Variants in TTC29 observed in about 807,000 individuals in gnomAD.
TTC29 encodes tetratricopeptide repeat domain 29, also known as tetratricopeptide repeat protein 29.
In TTC29, 49 loss-of-function variants were observed where a neutral mutation model predicts 58.1. The ratio of observed to expected loss-of-function variants is 0.84; its 90% CI spans 0.67 to 1.07. The LOEUF (loss-of-function observed/expected upper bound fraction) is 1.07, where lower values mean the gene tolerates loss of function less well. Ranked by LOEUF, TTC29 falls within the 50% of genes least tolerant of loss-of-function variation. The probability of loss-of-function intolerance (pLI) is 0.00; values close to 1 mark genes in which losing one functional copy is unlikely to be tolerated. For missense variants in TTC29, 582 were observed against 555.6 expected (o/e 1.05, Z -0.48); for synonymous variants, 209 against 196.8 (o/e 1.06, Z -0.52).
intron 4 of TTC29, among the ~76,000 whole-genome samples, chr4:146,914,770 T>C (rs1734109037): frequency 6.6e-6 from 1 of 152,260 alleles, no homozygotes; most frequent in Non-Finnish European, 1.5e-5. Context: ...ATTCATTCAA[T>C]GGAGATGTTG....
intron 11 of TTC29, among the ~76,000 whole-genome samples, chr4:146,774,144 G>A (rs1747924185): frequency 1.3e-5 from 2 of 152,058 alleles, no homozygotes; most frequent in African/African-American, 4.8e-5. Context: ...TTAGCTAGCA[G>A]TCTATCTGTC....
intron 8 of TTC29, among the ~76,000 whole-genome samples, chr4:146,843,424 A>C (rs1728974573): frequency 6.6e-6 from 1 of 152,114 alleles, no homozygotes; most frequent in Admixed American, 6.6e-5. Context: ...GAGTACGTAC[A>C]CTTTCTCCCT....
In TTC29 at chr4:146,892,658, A is replaced by C. The variant is rs1732459592; in HGVS notation, c.586+10886T>G. Among the ~76,000 whole-genome samples, 3 of 152,218 alleles carry C rather than the reference A, an allele frequency of 2.0e-5. 1 individual carries two copies. Among genetic ancestry groups the C allele is most frequent in the Non-Finnish European group, 4.4e-5 (3 of 68,038 alleles). The stretch of plus-strand genomic sequence containing the variant: ...ATGCCCTCTCTCACCACTCCTATTC[A>C]ACATAGTGTTGGAAGTTCTGGCCAG... On this transcript the variant is annotated intron_variant, in intron 6 of 12. Coordinates refer to ENST00000325106, the MANE Select transcript of TTC29 (RefSeq NM_031956.4).
intron 11 of TTC29, among the ~76,000 whole-genome samples, chr4:146,741,222 A>T (rs562440157): frequency 6.6e-6 from 1 of 152,316 alleles, no homozygotes; most frequent in South Asian, 2.1e-4. Flanking sequence ...AAATTTTTAG[A>T]TGACTATACG....
intron 11 of TTC29, among the ~76,000 whole-genome samples, chr4:146,707,999 T>C (rs1742108136): frequency 6.6e-6 from 1 of 151,992 alleles, no homozygotes; most frequent in Non-Finnish European, 1.5e-5. Context: ...ATAGATGTTC[T>C]AGCAGACAGT....
intron 4 of TTC29, among the ~76,000 whole-genome samples, chr4:146,917,364 T>A (rs1040819103): frequency 1.3e-4 from 19 of 141,030 alleles, no homozygotes; most frequent in Admixed American, 1.4e-4. Context: ...AAGCTCTTTT[T>A]ATAATATTAT....
chr4:146,884,451 GTATA>G (rs1561218782), intron 6 of TTC29, among the ~76,000 whole-genome samples: 1 of 152,046 alleles, frequency 6.6e-6, no homozygotes, highest in African/African-American at 2.4e-5. Flanking sequence ...TTAGTGAAGG[GTATA>G]TTACAATCAT....
intron 9 of TTC29, among the ~76,000 whole-genome samples, chr4:146,830,757 G>A (rs1156323465): frequency 6.6e-6 from 1 of 152,070 alleles, no homozygotes; most frequent in African/African-American, 2.4e-5. Flanking sequence ...GTACATGTGT[G>A]TGTTTGTGTT....
At chr4:146,783,097 T>C (rs1748740340) in intron 11 of TTC29, among the ~76,000 whole-genome samples, 2 of 152,140 alleles carry the variant, frequency 1.3e-5, no homozygotes, top group East Asian at 3.9e-4. Context: ...ATTTATTTAC[T>C]TATTTAAATT....
intron 6 of TTC29, among the ~76,000 whole-genome samples, chr4:146,895,232 T>A (rs982952682): frequency 2.0e-5 from 3 of 152,160 alleles, no homozygotes; most frequent in Non-Finnish European, 2.9e-5. Flanking sequence ...ACTGAGTTAC[T>A]GAGTTAGCCT....
At chr4:146,805,353 C>A (rs1030866421) in intron 10 of TTC29, among the ~76,000 whole-genome samples, 7 of 151,982 alleles carry the variant, frequency 4.6e-5, no homozygotes, top group Admixed American at 2.6e-4. Flanking sequence ...TAACTCCTCA[C>A]CAAAAAGGGA....
In TTC29 at chr4:146,899,906, C is replaced by T. The variant is rs1251451085; in HGVS notation, c.586+3638G>A. 2.6e-5 allele frequency among the ~76,000 whole-genome samples: 4 copies of T among 152,188 alleles called. No homozygotes were observed. The South Asian group carries it at 6.2e-4, about 24-fold the overall frequency. On this transcript the variant is annotated intron_variant, in intron 6 of 12. Transcript: ENST00000325106. ...TGAGGGCACCCCTGGAATCAGGATG[C>T]TGCCACCTGCCCCTGGGCACAGCTG...
chr4:146,741,875 T>C (rs1745180256), intron 11 of TTC29, among the ~76,000 whole-genome samples: 1 of 152,224 alleles, frequency 6.6e-6, no homozygotes, highest in Non-Finnish European at 1.5e-5. Context: ...TCGCCTTAGC[T>C]CTTCATAGCA....
chr4:146,887,637 C>G (rs1475045411), intron 6 of TTC29, among the ~76,000 whole-genome samples: 2 of 152,056 alleles, frequency 1.3e-5, no homozygotes, highest in Non-Finnish European at 2.9e-5. Context: ...CAATATGACT[C>G]TAAAATTCAT....
At chr4:146,924,463 T>C (rs75921137) in intron 4 of TTC29, among the ~76,000 whole-genome samples, 12,602 of 151,882 alleles carry the variant, frequency 0.083, 686 homozygotes, top group East Asian at 0.19. Flanking sequence ...TGTTATCTGT[T>C]TCTATGTAAG....
intron 11 of TTC29, among the ~76,000 whole-genome samples, chr4:146,784,662 G>T (rs1178040463): frequency 6.6e-6 from 1 of 152,186 alleles, no homozygotes; most frequent in East Asian, 1.9e-4. Context: ...AGCATATATT[G>T]AATCTGCCTC....
chr4:146,937,407 A>C (rs1735926697), intron 4 of TTC29, among the ~76,000 whole-genome samples, 187 bp downstream of exon 4: 1 of 152,054 alleles, frequency 6.6e-6, no homozygotes, highest in Non-Finnish European at 1.5e-5. Context: ...TGAGAGCCAT[A>C]AAATTAAAGA....
At chr4:146,766,512 T>C (rs2136365) in intron 11 of TTC29, among the ~76,000 whole-genome samples, 37,186 of 151,966 alleles carry the variant, frequency 0.24, 4,961 homozygotes, top group East Asian at 0.38. Flanking sequence ...TTCTAAATAA[T>C]TATTTAAATA....
intron 8 of TTC29, among the ~76,000 whole-genome samples, chr4:146,853,791 G>A (rs111581379): frequency 1.2e-4 from 18 of 152,162 alleles, no homozygotes; most frequent in Non-Finnish European, 2.4e-4. Context: ...TTTAACTGCC[G>A]CAGCAACTTT....
Sources: allele counts gnomAD v4.1 joint callset (sites outside exome capture counted in the v4.1 genomes callset), GRCh38; gene constraint gnomAD v4.1.1; transcripts MANE v1.5; gene names NCBI Gene and HGNC (gene_info 2026-07-23, HGNC 2026-07-21).